Variants in SEMA6A observed in about 807,000 individuals in gnomAD.
The protein encoded by SEMA6A is semaphorin 6A.
A neutral mutation model predicts 96.8 loss-of-function variants in SEMA6A; 25 were observed. The ratio of observed to expected loss-of-function variants is 0.26; its 90% confidence interval spans 0.19 to 0.36. SEMA6A has a LOEUF of 0.36. Ranked by LOEUF, SEMA6A falls within the 10% of genes least tolerant of loss-of-function variation. SEMA6A has a pLI of 1.00. For missense variants in SEMA6A, 1,363 were observed against 1,323.1 expected, an observed-to-expected ratio of 1.03 and a Z score of -0.47; for synonymous variants, 612 against 518.0, an observed-to-expected ratio of 1.18 and a Z score of -2.46.
intron 10 of SEMA6A, among the ~76,000 whole-genome samples, chr5:116,484,015 G>A (rs1756917039): frequency 7.1e-6 from 1 of 141,710 alleles, no homozygotes; most frequent in Non-Finnish European, 1.5e-5. Context: ...AGTGAGCTGA[G>A]ACTAAGCCAC....
intron 18 of SEMA6A, among the ~76,000 whole-genome samples, chr5:116,457,721 T>G (rs1352328166): frequency 1.3e-5 from 2 of 152,118 alleles, no homozygotes; most frequent in Non-Finnish European, 2.9e-5. Flanking sequence ...CCACTACATT[T>G]CGGTAGTATA....
At chr5:116,455,027 T>G (rs1238271878) in intron 18 of SEMA6A, among the ~76,000 whole-genome samples, 1 of 152,204 alleles carries the variant, frequency 6.6e-6, no homozygotes, top group African/African-American at 2.4e-5. Context: ...TGACTGTAGA[T>G]GAACCCACTT....
At chr5:116,477,993 T>C (rs1388940637) in intron 14 of SEMA6A, 21 bp downstream of exon 14, 2 of 1,613,924 alleles carry the variant, frequency 1.2e-6, no homozygotes, top group Non-Finnish European at 1.7e-6. Context: ...TTTCTAATTG[T>C]CAATGAGGCA....
rs59202921 is a variant in SEMA6A, at chr5:116,448,170, TAAAAA to T, written c.1895-364_1895-360del. 5.3e-3 allele frequency among the ~76,000 whole-genome samples: 635 copies of T among 119,520 alleles called. 15 individuals are homozygous for T. The highest frequency in any genetic ancestry group is 0.021 in the African/African-American group (571 of 27,470). 78.4% of individuals were successfully genotyped at this position (119,520 alleles called of 152,430 possible). On this transcript the variant is annotated intron_variant, in intron 18 of 18. Coordinates refer to ENST00000343348, the MANE Select transcript of SEMA6A (RefSeq NM_020796.5). ...AAGATGGTGAAACCCCCGTCTCTAC[TAAAAA>T]AAAAAAAAAAAAAAAAAAAAATTAG...
chr5:116,475,405 G>C, intron 16 of SEMA6A, 140 bp downstream of exon 16: 1 of 543,142 alleles, frequency 1.8e-6, no homozygotes, highest in Non-Finnish European at 3.2e-6. Flanking sequence ...TCTTTGTTTG[G>C]TATTTAGAAG....
At chr5:116,533,225 CTCTATGTCA>C (rs1387380627) in intron 1 of SEMA6A, among the ~76,000 whole-genome samples, 2 of 151,628 alleles carry the variant, frequency 1.3e-5, no homozygotes, top group Admixed American at 6.6e-5. Context: ...GGGCTTTCTA[CTCTATGTCA>C]TAGATTTCCT....
At chr5:116,454,759 G>A (rs1316920146) in intron 18 of SEMA6A, among the ~76,000 whole-genome samples, 1 of 151,742 alleles carries the variant, frequency 6.6e-6, no homozygotes, top group Non-Finnish European at 1.5e-5. Context: ...TAGGCTTGGA[G>A]TTTATAACTT....
At chr5:116,449,075 G>C (rs188169091) in intron 18 of SEMA6A, among the ~76,000 whole-genome samples, 1 of 150,588 alleles carries the variant, frequency 6.6e-6, no homozygotes, top group African/African-American at 2.4e-5. Flanking sequence ...CAGCCACCCA[G>C]CTGAGTGACT....
At chr5:116,453,856 G>T (rs1206452432) in intron 18 of SEMA6A, among the ~76,000 whole-genome samples, 1 of 152,164 alleles carries the variant, frequency 6.6e-6, no homozygotes, top group Non-Finnish European at 1.5e-5. Context: ...GCTGGGAGAT[G>T]TTATCTGTCC....
Position 116,476,217 on chromosome 5 carries a change from A to G in SEMA6A, c.1650-614T>C, listed in dbSNP as rs191886200. Among the ~76,000 whole-genome samples, 49 of 152,322 alleles carry G rather than the reference A, an allele frequency of 3.2e-4. 1 individual carries two copies. Among genetic ancestry groups the G allele is most frequent in the South Asian group, 2.7e-3 (13 of 4,824 alleles). ...ACATGCTCATGTTTCTTCCAAGTCT[A>G]CTAGGTCACCATTGGGCTGTACAAG... On this transcript the variant is annotated intron_variant, in intron 15 of 18. Transcript: ENST00000343348.
intron 4 of SEMA6A, 110 bp downstream of exon 4, chr5:116,497,217 T>A (rs1757645829): frequency 1.6e-6 from 1 of 636,248 alleles, no homozygotes; most frequent in Admixed American, 3.1e-5. Flanking sequence ...CATGTTGGCA[T>A]CTCTAAATTA....
intron 17 of SEMA6A, 42 bp downstream of exon 17, chr5:116,473,031 G>C (rs1310882866): frequency 1.3e-6 from 2 of 1,570,908 alleles, no homozygotes; most frequent in African/African-American, 2.7e-5. Context: ...TCTCAGATAG[G>C]TTTCCACCAG....
intron 2 of SEMA6A, 143 bp downstream of exon 2, chr5:116,504,702 G>T (rs1758058747): frequency 3.3e-6 from 2 of 612,502 alleles, no homozygotes; most frequent in Admixed American, 2.7e-5. Flanking sequence ...AATTTGACTA[G>T]ACTTGAATTA....
chr5:116,547,359 A>G (rs1385992438), intron 1 of SEMA6A, among the ~76,000 whole-genome samples: 3 of 152,186 alleles, frequency 2.0e-5, no homozygotes, highest in Non-Finnish European at 4.4e-5. Flanking sequence ...CTCTGAATGT[A>G]TTCATCCTAC....
chr5:116,463,004 T>A (rs1755513298), intron 18 of SEMA6A, among the ~76,000 whole-genome samples: 1 of 152,118 alleles, frequency 6.6e-6, no homozygotes, highest in South Asian at 2.1e-4. Context: ...AAAAAAAAAG[T>A]GTCACTTTTC....
intron 17 of SEMA6A, chr5:116,471,096 T>A (rs1756109890): frequency 6.6e-6 from 1 of 152,198 alleles, no homozygotes; most frequent in Non-Finnish European, 1.5e-5. Flanking sequence ...CTCATTTTGA[T>A]GGTCAATTAA....
chr5:116,495,633 C>T (rs1757558856), intron 5 of SEMA6A, 119 bp from the exon 6 acceptor site: 9 of 666,246 alleles, frequency 1.4e-5, no homozygotes, highest in South Asian at 2.0e-5. Context: ...GGACTTCTCC[C>T]ATTAAAAGTT....
At chr5:116,481,157 A>C (rs1756743405) in intron 11 of SEMA6A, among the ~76,000 whole-genome samples, 1 of 152,232 alleles carries the variant, frequency 6.6e-6, no homozygotes. Context: ...ATGTGGAAGG[A>C]TGTTTAATTA....
chr5:116,548,893 A>G (rs1021299664), intron 1 of SEMA6A, among the ~76,000 whole-genome samples: 3 of 152,302 alleles, frequency 2.0e-5, no homozygotes, highest in South Asian at 4.1e-4. Flanking sequence ...GGCCTTCTCT[A>G]TCTGCAATTT....
Sources: allele counts gnomAD v4.1 joint callset (sites outside exome capture counted in the v4.1 genomes callset), GRCh38; gene constraint gnomAD v4.1.1; transcripts MANE v1.5; gene names NCBI Gene and HGNC (gene_info 2026-07-23, HGNC 2026-07-21).